Variants in ITGAE observed in about 807,000 individuals in gnomAD.
ITGAE encodes integrin alpha-E.
ITGAE carries 99 observed loss-of-function variants against 136.5 expected under a neutral mutation model. The ratio of observed to expected loss-of-function variants is 0.73; its 90% CI spans 0.62 to 0.86. The LOEUF (loss-of-function observed/expected upper bound fraction) is 0.86. Among genes scored for constraint, ITGAE ranks in the 40% least tolerant of loss-of-function variants. The pLI is 0.00. For missense variants in ITGAE, 1,447 were observed against 1,515.3 expected (o/e 0.95, Z 0.75); for synonymous variants, 613 against 591.8 (o/e 1.04, Z -0.52).
Position 3,727,959 on chromosome 17 carries a change from C to T in ITGAE, c.3044G>A (p.Gly1015Asp), listed in dbSNP as rs267604849. Residue 1015 changes from glycine (G) to aspartate (D), a missense_variant, in exon 26 of 31, where the codon GGT (glycine) becomes GAT (aspartate). Transcript: ENST00000263087. ...CTTCTTCACTGCTACAACCTGGAGA[C>T]CTCGTAATTTGGTTGGGACGCAAAT... ...LQICVPTKLRGLQVVAVKKLT... is the reference protein window; with the variant it reads ...LQICVPTKLRDLQVVAVKKLT... 1 of 1,614,044 alleles carries T rather than the reference C, an allele frequency of 6.2e-7. No homozygotes were observed. Among genetic ancestry groups the T allele is most frequent in the Non-Finnish European group, 8.5e-7 (1 of 1,179,954 alleles).
intron 2 of ITGAE, among the ~76,000 whole-genome samples, chr17:3,772,958 G>A (rs753930995): frequency 2.0e-5 from 3 of 152,208 alleles, no homozygotes; most frequent in Admixed American, 6.5e-5. Flanking sequence ...AGGTCCTCAC[G>A]TTCAACTCAA....
chr17:3,731,319 T>C, intron 22 of ITGAE, 136 bp from the exon 23 acceptor site: 1 of 632,564 alleles, frequency 1.6e-6, no homozygotes. Flanking sequence ...TAACACAGCA[T>C]GTTTCCTTTC....
At chr17:3,724,675 GC>G in intron 26 of ITGAE, 1 of 1,614,218 alleles carries the variant, frequency 6.2e-7, no homozygotes, top group Non-Finnish European at 8.5e-7. Flanking sequence ...GTTCTCTTTG[GC>G]CTTATGAACT....
At chr17:3,723,150 G>C in intron 28 of ITGAE, 138 bp downstream of exon 28, 1 of 642,892 alleles carries the variant, frequency 1.6e-6, no homozygotes, top group Non-Finnish European at 2.8e-6. Flanking sequence ...GAACGGGTTG[G>C]GACAGAGGGT....
chr17:3,743,474 T>G lies in ITGAE; in HGVS notation c.2448+15A>C. 1 of 1,577,178 alleles carries G rather than the reference T, an allele frequency of 6.3e-7. No individual in the cohort carries two copies. The highest frequency in any genetic ancestry group is 8.6e-7 in the Non-Finnish European group (1 of 1,165,772). On this transcript the variant is annotated intron_variant, in intron 19 of 30. Transcript: ENST00000263087. ...GCTCTTAAGAGGGCTGGGTACTGGC[T>G]GTGGGTAGAGTCACCTGGAAGATGG...
chr17:3,732,978 T>C (rs927933066), intron 21 of ITGAE, among the ~76,000 whole-genome samples: 3 of 152,070 alleles, frequency 2.0e-5, no homozygotes, highest in African/African-American at 7.2e-5. Context: ...GGAGATTGTT[T>C]TTTGCTTTTG....
chr17:3,738,467 C>A (rs2051511165), intron 20 of ITGAE, among the ~76,000 whole-genome samples: 1 of 152,182 alleles, frequency 6.6e-6, no homozygotes, highest in Non-Finnish European at 1.5e-5. Context: ...CCGCGCCCGG[C>A]CTGGGGGGCA....
intron 1 of ITGAE, among the ~76,000 whole-genome samples, chr17:3,800,354 G>A (rs886518643): frequency 6.6e-6 from 1 of 151,982 alleles, no homozygotes; most frequent in African/African-American, 2.4e-5. Flanking sequence ...CCAACCTCCT[G>A]AGCAGGGGCA....
Position 3,785,549 on chromosome 17 carries a change from A to AC in ITGAE, c.35-7890_35-7889insG, listed in dbSNP as rs1555526943. 4.8e-3 allele frequency among the ~76,000 whole-genome samples: 711 copies of AC among 149,510 alleles called. 8 individuals carry two copies. Among genetic ancestry groups the AC allele is most frequent in the East Asian group, 0.024 (124 of 5,082 alleles). ...AAGGAAGGAAGGAAGGAAGGAAGGAAGGAAGGAAAACTAGAAAAATCTGAA... is the reference window on the plus strand; with the variant it reads ...AAGGAAGGAAGGAAGGAAGGAAGGAACGGAAGGAAAACTAGAAAAATCTGAA... On this transcript the variant is annotated intron_variant, in intron 1 of 30. Transcript: ENST00000263087.
chr17:3,717,698 C>G (rs1236877400), intron 29 of ITGAE: 1 of 152,228 alleles, frequency 6.6e-6, no homozygotes, highest in Non-Finnish European at 1.5e-5. Flanking sequence ...GACAAACTTA[C>G]CTTTAAGGCC....
intron 1 of ITGAE, among the ~76,000 whole-genome samples, chr17:3,800,549 C>CA (rs1367192126): frequency 6.6e-6 from 1 of 152,172 alleles, no homozygotes; most frequent in African/African-American, 2.4e-5. Context: ...TGGGACCCCC[C>CA]AGGCAGCAGA....
At chr17:3,737,766 T>C (rs2051491736) in intron 20 of ITGAE, among the ~76,000 whole-genome samples, 1 of 152,148 alleles carries the variant, frequency 6.6e-6, no homozygotes, top group Admixed American at 6.6e-5. Context: ...TTAGATTCTT[T>C]TGGGGATCTA....
intron 10 of ITGAE, among the ~76,000 whole-genome samples, chr17:3,756,159 C>T (rs1198877833): frequency 6.6e-6 from 1 of 151,726 alleles, no homozygotes; most frequent in African/African-American, 2.4e-5. Context: ...TCTCCAGCAC[C>T]AGCTCAGTTC....
In ITGAE at chr17:3,768,650, G is replaced by T. The variant is rs368114503; in HGVS notation, c.156-4690C>A. On this transcript the variant is annotated intron_variant, in intron 2 of 30. Transcript: ENST00000263087. ...TGGCTTATTCTCCTTCCCCAGCCTC[G>T]CCTGTCACCTCCTCATAAATGCTTT... Among the ~76,000 whole-genome samples the T allele has an allele frequency of 3.9e-4, 59 of 152,054 alleles. No individual in the cohort carries two copies. In the South Asian group the frequency reaches 0.012, roughly 31 times the overall value.
At chr17:3,751,538 C>A in intron 15 of ITGAE, 112 bp downstream of exon 15, 2 of 935,814 alleles carry the variant, frequency 2.1e-6, no homozygotes, top group East Asian at 2.4e-5. Context: ...GCATTCCCAA[C>A]CCCCGAGACC....
Position 3,777,611 on chromosome 17 carries a change from G to C in ITGAE, c.84C>G (p.Leu28=), listed in dbSNP as rs1290187457. The C allele has an allele frequency of 6.2e-7, 1 of 1,614,062 alleles. No homozygotes were observed. The highest frequency in any genetic ancestry group is 8.5e-7 in the Non-Finnish European group (1 of 1,179,980). ...CGAAAGGGGCACCTCCCTTGGGCGT[G>C]AGCCAGGGCCGGGCCACATCCACAT... The part of the protein sequence containing the change: ...AFNVDVARPW[L]TPKGGAPFVL... Residue 28 remains leucine, a synonymous_variant, in exon 2 of 31, where the codon CTC becomes CTG. Coordinates refer to ENST00000263087, the MANE Select transcript of ITGAE (RefSeq NM_002208.5).
intron 20 of ITGAE, among the ~76,000 whole-genome samples, chr17:3,736,015 G>T (rs2051451922): frequency 6.6e-6 from 1 of 152,136 alleles, no homozygotes; most frequent in African/African-American, 2.4e-5. Flanking sequence ...GTGGTGGCAG[G>T]TGCCTGTAAT....
At chr17:3,763,097 T>C (rs959403466) in intron 3 of ITGAE, among the ~76,000 whole-genome samples, 20 of 152,184 alleles carry the variant, frequency 1.3e-4, no homozygotes, top group Non-Finnish European at 2.8e-4. Flanking sequence ...TTCATCATAT[T>C]GGCCAGGCTG....
intron 12 of ITGAE, 64 bp downstream of exon 12, chr17:3,755,053 A>G: frequency 2.1e-6 from 1 of 486,514 alleles, no homozygotes; most frequent in Non-Finnish European, 2.6e-6. Flanking sequence ...ACCCTCGCCC[A>G]GGGAGCCTCC....
Sources: allele counts gnomAD v4.1 joint callset (sites outside exome capture counted in the v4.1 genomes callset), GRCh38; gene constraint gnomAD v4.1.1; transcripts MANE v1.5; gene names NCBI Gene and HGNC (gene_info 2026-07-23, HGNC 2026-07-21).